Variants in ALPK1 observed in about 807,000 individuals in gnomAD.
ALPK1 encodes alpha-protein kinase 1.
In ALPK1, 110 loss-of-function variants were observed where a neutral mutation model predicts 120.6. That is an observed-to-expected ratio of 0.91 (90% CI 0.78 to 1.07). The LOEUF (loss-of-function observed/expected upper bound fraction) is 1.07, where lower values mean the gene tolerates loss of function less well. ALPK1 is among the 50% of genes least tolerant of loss of function. The pLI is 0.00. For synonymous variants in ALPK1, 582 were observed against 560.3 expected, an observed-to-expected ratio of 1.04 and a Z score of -0.55; for missense variants, 1,498 against 1,483.9, an observed-to-expected ratio of 1.01 and a Z score of -0.16.
At chr4:112,340,980 A>G (rs1054115949) in intron 2 of ALPK1, among the ~76,000 whole-genome samples, 11 of 152,202 alleles carry the variant, frequency 7.2e-5, no homozygotes, top group African/African-American at 2.7e-4. Flanking sequence ...AAAGCCCCCT[A>G]AAGATTTTAT....
intron 2 of ALPK1, among the ~76,000 whole-genome samples, chr4:112,355,436 C>A (rs186344354): frequency 9.9e-4 from 151 of 152,234 alleles, no homozygotes; most frequent in African/African-American, 3.2e-3. Flanking sequence ...GAGGTCAGGG[C>A]TATCAGGATC....
chr4:112,421,427 C>A (rs1028649251), intron 5 of ALPK1, among the ~76,000 whole-genome samples: 2 of 152,148 alleles, frequency 1.3e-5, no homozygotes, highest in Admixed American at 6.5e-5. Flanking sequence ...TGTTTTACAG[C>A]CACGCCCTTG....
chr4:112,356,586 C>G (rs898318747), intron 2 of ALPK1: 13 of 785,816 alleles, frequency 1.7e-5, no homozygotes, highest in Non-Finnish European at 2.3e-6. Flanking sequence ...GGTGAAGAAG[C>G]AGGAGAGTAA....
chr4:112,437,264 C>T (rs1734826882), intron 12 of ALPK1, among the ~76,000 whole-genome samples: 1 of 145,784 alleles, frequency 6.9e-6, no homozygotes, highest in Non-Finnish European at 1.5e-5. Context: ...GTGCAACTCT[C>T]TTTTATGGAG....
chr4:112,430,454 C>T lies in ALPK1; in HGVS notation c.907C>T (p.Arg303Cys), dbSNP rs769553986. 7.7e-6 allele frequency: 12 copies of T among 1,566,552 alleles called. No homozygotes were observed. Among genetic ancestry groups the T allele is most frequent in the African/African-American group, 1.4e-5 (1 of 73,062 alleles). ...PLFVLTAVNIRGTCLLSYSSS... is the reference protein window; with the variant it reads ...PLFVLTAVNICGTCLLSYSSS... The stretch of plus-strand genomic sequence containing the variant: ...TATTTGGTATTTTTCCCAGAATATC[C>T]GTGGCACGTGTTTATTGTCCTACAG... The change falls in exon 11 of 16, where the codon CGT becomes TGT. Residue 303 changes from arginine to cysteine, a missense_variant. Transcript: ENST00000650871.
chr4:112,410,480 G>T (rs992101759), intron 4 of ALPK1, among the ~76,000 whole-genome samples: 5 of 152,228 alleles, frequency 3.3e-5, no homozygotes, highest in Non-Finnish European at 7.3e-5. Context: ...GTTTTGCCCA[G>T]TAAGTGTTAG....
intron 2 of ALPK1, among the ~76,000 whole-genome samples, chr4:112,321,203 A>T (rs189242454): frequency 1.5e-4 from 22 of 151,140 alleles, no homozygotes; most frequent in African/African-American, 5.3e-4. Context: ...AGCCAATATC[A>T]CCCGTTTCTT....
chr4:112,349,551 G>GCC (rs10625139), intron 2 of ALPK1, among the ~76,000 whole-genome samples: 7,868 of 103,484 alleles, frequency 0.076, 511 homozygotes, highest in South Asian at 0.15. Context: ...CCCAACCCCT[G>GCC]CCCCCCCCCG....
chr4:112,338,020 G>A (rs1160111538), intron 2 of ALPK1, among the ~76,000 whole-genome samples: 1 of 152,212 alleles, frequency 6.6e-6, no homozygotes, highest in Non-Finnish European at 1.5e-5. Context: ...AGGCTGGAGT[G>A]CAATGGCATG....
In ALPK1 at chr4:112,423,976, A is replaced by G; in HGVS notation, c.508A>G (p.Ser170Gly). The G allele has an allele frequency of 6.2e-7, 1 of 1,614,046 alleles. No homozygotes were observed. Among genetic ancestry groups the G allele is most frequent in the Middle Eastern group, 1.7e-4 (1 of 6,056 alleles). The change falls in exon 6 of 16, where the codon AGT (serine) becomes GGT (glycine). Residue 170 changes from serine to glycine, a missense_variant. By Grantham distance (56) the Ser-to-Gly change is moderately conservative (BLOSUM62 0). Coordinates refer to ENST00000650871, the MANE Select transcript of ALPK1 (RefSeq NM_025144.4). ...KLLKAEYILS[S>G]LISNNGATGT... Reference sequence around the variant, plus strand: ...TTTAAAAGCAGAGTATATTCTGAGCAGTCTAATAAGCAACAATGGAGCAAC... The same window carrying G: ...TTTAAAAGCAGAGTATATTCTGAGCGGTCTAATAAGCAACAATGGAGCAAC...
intron 10 of ALPK1, 76 bp downstream of exon 10, chr4:112,429,329 G>T: frequency 8.4e-7 from 1 of 1,186,752 alleles, no homozygotes; most frequent in Non-Finnish European, 1.2e-6. Flanking sequence ...CAGTGAGAAG[G>T]GAAAGGTTTA....
At chr4:112,313,423 T>A (rs1728494767) in intron 1 of ALPK1, among the ~76,000 whole-genome samples, 1 of 151,884 alleles carries the variant, frequency 6.6e-6, no homozygotes, top group African/African-American at 2.4e-5. Flanking sequence ...AGATAAGGAG[T>A]AAGAATTGAC....
chr4:112,432,317 T>C lies in ALPK1; in HGVS notation c.2770T>C (p.Ser924Pro), dbSNP rs751956374. 11 of 1,614,198 alleles carry C rather than the reference T, an allele frequency of 6.8e-6. No homozygotes were observed. Among genetic ancestry groups the C allele is most frequent in the South Asian group, 2.2e-5 (2 of 91,086 alleles). The change falls in exon 11 of 16, where the codon TCC (serine) becomes CCC (proline). Residue 924 changes from serine to proline, a missense_variant. By Grantham distance (74) the Ser-to-Pro change is moderately conservative. Transcript: ENST00000650871. ...AAACATGCTAAACTGCAGCCAGAAC[T>C]CCAGCTCATCCTCAGTGTGGTGGCT... ...PGNMLNCSQN[S>P]SSSSVWWLKS...
At chr4:112,326,146 T>C (rs1370649838) in intron 2 of ALPK1, among the ~76,000 whole-genome samples, 1 of 152,186 alleles carries the variant, frequency 6.6e-6, no homozygotes, top group African/African-American at 2.4e-5. Flanking sequence ...CTTTCACCAG[T>C]CAGTTTTTCC....
chr4:112,310,462 G>A (rs1342214489), intron 1 of ALPK1, among the ~76,000 whole-genome samples: 2 of 152,038 alleles, frequency 1.3e-5, no homozygotes, highest in Admixed American at 6.6e-5. Flanking sequence ...CTGTATCAGC[G>A]GGTATGTGTT....
Position 112,393,565 on chromosome 4 carries a change from A to T in ALPK1, c.276+11013A>T, listed in dbSNP as rs539750696. Among the ~76,000 whole-genome samples the T allele has an allele frequency of 2.6e-5, 4 of 152,300 alleles. No homozygotes were observed. The South Asian group carries it at 8.3e-4, about 32-fold the overall frequency. ...ACTTCTTTGATTCTTTACAATAAAC[A>T]TTGCTTACCATTATAATAAAGGAAG... On this transcript the variant is annotated intron_variant, in intron 4 of 15. Transcript: ENST00000650871.
At chr4:112,298,751 G>A (rs1727654660) in intron 1 of ALPK1, among the ~76,000 whole-genome samples, 1 of 152,158 alleles carries the variant, frequency 6.6e-6, no homozygotes, top group African/African-American at 2.4e-5. Context: ...GTGTTAAGCT[G>A]TAACAATACC....
At chr4:112,357,314 G>A in intron 2 of ALPK1, 2 of 931,654 alleles carry the variant, frequency 2.1e-6, no homozygotes, top group South Asian at 1.5e-5. Context: ...GGCGGATATT[G>A]TCCAGATTGT....
intron 1 of ALPK1, among the ~76,000 whole-genome samples, chr4:112,305,259 T>G (rs1469967668): frequency 3.3e-5 from 5 of 152,046 alleles, no homozygotes; most frequent in African/African-American, 1.2e-4. Flanking sequence ...ATATGAACTT[T>G]AAAGTAGTTT....
Sources: allele counts gnomAD v4.1 joint callset (sites outside exome capture counted in the v4.1 genomes callset), GRCh38; gene constraint gnomAD v4.1.1; transcripts MANE v1.5; gene names NCBI Gene and HGNC (gene_info 2026-07-23, HGNC 2026-07-21).